XKR4: variants seen among roughly 807,000 people sequenced by gnomAD.
XKR4 encodes XK-related protein 4.
XKR4 carries 12 observed loss-of-function variants against 53.9 expected under a neutral mutation model. The observed-to-expected ratio is 0.22, with a 90% CI of 0.14 to 0.36. The LOEUF (loss-of-function observed/expected upper bound fraction) is 0.36. XKR4 is among the 10% of genes least tolerant of loss of function. The pLI is 1.00. For missense variants in XKR4, 799 were observed against 859.5 expected (o/e 0.93, Z 0.88); for synonymous variants, 354 against 362.4 (o/e 0.98, Z 0.26).
intron 2 of XKR4, among the ~76,000 whole-genome samples, chr8:55,399,769 G>C (rs1804572856): frequency 6.6e-6 from 1 of 152,230 alleles, no homozygotes; most frequent in African/African-American, 2.4e-5. Flanking sequence ...ACATAGGAGG[G>C]CTGGGCAAGG....
chr8:55,182,581 C>A (rs1817324813), intron 1 of XKR4, among the ~76,000 whole-genome samples: 1 of 152,014 alleles, frequency 6.6e-6, no homozygotes, highest in Non-Finnish European at 1.5e-5. Context: ...TGCTACTTTA[C>A]CTTTGTCAAA....
chr8:55,517,239 G>T (rs532101983), intron 2 of XKR4: 1 of 152,126 alleles, frequency 6.6e-6, no homozygotes, highest in African/African-American at 2.4e-5. Context: ...TACAACATAG[G>T]CATGCAAGAA....
At chr8:55,151,988 G>A (rs1816846382) in intron 1 of XKR4, among the ~76,000 whole-genome samples, 1 of 152,124 alleles carries the variant, frequency 6.6e-6, no homozygotes, top group South Asian at 2.1e-4. Context: ...TCCTAGAAAT[G>A]TAATTGCTGG....
intron 2 of XKR4, among the ~76,000 whole-genome samples, chr8:55,447,969 C>A (rs372700333): frequency 2.6e-5 from 4 of 152,248 alleles, no homozygotes; most frequent in Middle Eastern, 6.8e-3. Context: ...TGTCAGTTGG[C>A]GAGTGAATGA....
At position 55,420,812 on chromosome 8, in the gene XKR4, A is replaced by AAATAAATAAATAAATAAATAAATAAAT. The variant is rs1319700613; in HGVS notation, c.1006+62949_1006+62950insTAAATAAATAAATAATAAATAAATAAA. On this transcript the variant is annotated intron_variant, in intron 2 of 2. Coordinates refer to ENST00000327381, the MANE Select transcript of XKR4 (RefSeq NM_052898.2). ...ATAATAAATAGATAAATAAATAAATAAATAAATAAATAAAAAAGAAAGATC... is the reference window on the plus strand; with the variant it reads ...ATAATAAATAGATAAATAAATAAATAAATAAATAAATAAATAAATAAATAAATAATAAATAAATAAAAAAGAAAGATC... Among the ~76,000 whole-genome samples, 7 of 151,606 alleles carry AAATAAATAAATAAATAAATAAATAAAT rather than the reference A, an allele frequency of 4.6e-5. No homozygotes were observed. In the South Asian group the frequency reaches 1.5e-3, roughly 31 times the overall value.
At chr8:55,208,255 T>C (rs555032168) in intron 1 of XKR4, among the ~76,000 whole-genome samples, 6 of 152,330 alleles carry the variant, frequency 3.9e-5, no homozygotes, top group African/African-American at 1.4e-4. Flanking sequence ...TGTATTTTAG[T>C]TAAAGAAACT....
chr8:55,487,753 G>GT (rs1224309061), intron 2 of XKR4, among the ~76,000 whole-genome samples: 1 of 152,130 alleles, frequency 6.6e-6, no homozygotes, highest in Non-Finnish European at 1.5e-5. Context: ...GATTACAGGC[G>GT]TAAGCCACTA....
chr8:55,160,764 A>G (rs1468452539), intron 1 of XKR4, among the ~76,000 whole-genome samples: 1 of 152,176 alleles, frequency 6.6e-6, no homozygotes, highest in Non-Finnish European at 1.5e-5. Flanking sequence ...TAATGTTTGT[A>G]CTAGTCTGAG....
chr8:55,171,253 A>G (rs1585918146), intron 1 of XKR4, among the ~76,000 whole-genome samples: 1 of 152,230 alleles, frequency 6.6e-6, no homozygotes, highest in East Asian at 1.9e-4. Flanking sequence ...CTGACATTGT[A>G]TTTAATGGTG....
Position 55,526,701 on chromosome 8 carries a change from G to A in XKR4, c.*2474G>A, listed in dbSNP as rs188485865. On this transcript the variant is annotated 3_prime_UTR_variant, in exon 3 of 3. Coordinates refer to ENST00000327381, the MANE Select transcript of XKR4 (RefSeq NM_052898.2). ...GTAAATCACAGATTACAGTCTAATA[G>A]AGTCAATCAATCAACACAAACCCAA... 1.3e-5 allele frequency: 2 copies of A among 152,132 alleles called. No homozygotes were observed. The highest frequency in any genetic ancestry group is 4.8e-5 in the African/African-American group (2 of 41,418). 9.4% of individuals were successfully genotyped at this position (152,132 alleles called of 1,614,324 possible).
chr8:55,222,577 T>A (rs1817895719), intron 1 of XKR4, among the ~76,000 whole-genome samples: 1 of 152,226 alleles, frequency 6.6e-6, no homozygotes, highest in Non-Finnish European at 1.5e-5. Flanking sequence ...TTAACAGCAA[T>A]CCACACGTAT....
intron 2 of XKR4, chr8:55,451,334 C>A: frequency 1.6e-6 from 1 of 633,146 alleles, no homozygotes; most frequent in Non-Finnish European, 2.9e-6. Context: ...AGAGTGGTGA[C>A]CCTGGCTCTG....
At chr8:55,326,549 C>A (rs1008416362) in intron 1 of XKR4, among the ~76,000 whole-genome samples, 1 of 142,944 alleles carries the variant, frequency 7.0e-6, no homozygotes, top group Non-Finnish European at 1.5e-5. Context: ...CGGCTCACTG[C>A]AACCTCCACC....
chr8:55,142,862 C>T (rs1210896297), intron 1 of XKR4, among the ~76,000 whole-genome samples: 1 of 152,190 alleles, frequency 6.6e-6, no homozygotes, highest in Non-Finnish European at 1.5e-5. Flanking sequence ...CAGAATGAAC[C>T]CTCTCATATC....
At chr8:55,467,109 C>T (rs1563358748) in intron 2 of XKR4, among the ~76,000 whole-genome samples, 1 of 152,096 alleles carries the variant, frequency 6.6e-6, no homozygotes, top group Non-Finnish European at 1.5e-5. Flanking sequence ...TTCCCAAGCT[C>T]CCTGTGGCTG....
Position 55,500,848 on chromosome 8 carries a change from C to G in XKR4, c.1007-22433C>G, listed in dbSNP as rs112897474. Among the ~76,000 whole-genome samples, 806 of 152,308 alleles carry G rather than the reference C, an allele frequency of 5.3e-3. 9 individuals are homozygous for G. Among genetic ancestry groups the G allele is most frequent in the African/African-American group, 0.018 (747 of 41,576 alleles). ...GCATGCCACGGAGCTATAGGTAGAA[C>G]CAGCATTCAACTCTAGTTCTAAACC... is the stretch of plus-strand genomic sequence containing the variant. On this transcript the variant is annotated intron_variant, in intron 2 of 2. Coordinates refer to ENST00000327381, the MANE Select transcript of XKR4 (RefSeq NM_052898.2).
At chr8:55,154,022 C>T (rs753467648) in intron 1 of XKR4, among the ~76,000 whole-genome samples, 6 of 152,180 alleles carry the variant, frequency 3.9e-5, no homozygotes, top group Non-Finnish European at 8.8e-5. Context: ...TTTCTATTGA[C>T]ATTTCTTTCA....
At chr8:55,401,563 G>A (rs1804602258) in intron 2 of XKR4, among the ~76,000 whole-genome samples, 1 of 152,202 alleles carries the variant, frequency 6.6e-6, no homozygotes, top group Non-Finnish European at 1.5e-5. Context: ...GAACCTCCTT[G>A]GGGATTAGCA....
At chr8:55,290,004 T>A (rs1383867756) in intron 1 of XKR4, among the ~76,000 whole-genome samples, 1 of 150,874 alleles carries the variant, frequency 6.6e-6, no homozygotes, top group African/African-American at 2.5e-5. Flanking sequence ...GTATTTGGCA[T>A]TGTCATTGTT....
Sources: allele counts gnomAD v4.1 joint callset (sites outside exome capture counted in the v4.1 genomes callset), GRCh38; gene constraint gnomAD v4.1.1; transcripts MANE v1.5; gene names NCBI Gene and HGNC (gene_info 2026-07-23, HGNC 2026-07-21).